Variants in NBEA observed in about 807,000 individuals in gnomAD.
The protein encoded by NBEA is lysosomal-trafficking regulator 2.
A neutral mutation model predicts 343.4 loss-of-function variants in NBEA; 44 were observed. The observed-to-expected ratio is 0.13, with a 90% confidence interval of 0.10 to 0.16. The LOEUF (loss-of-function observed/expected upper bound fraction) is 0.16. NBEA is among the 10% of genes least tolerant of loss of function. The pLI is 1.00. For synonymous variants in NBEA, 1,175 were observed against 1,238.7 expected, an observed-to-expected ratio of 0.95 and a Z score of 1.08; for missense variants, 2,555 against 3,631.3, an observed-to-expected ratio of 0.70 and a Z score of 7.62.
intron 30 of NBEA, among the ~76,000 whole-genome samples, chr13:35,191,399 T>G (rs1330407868): frequency 1.3e-5 from 2 of 152,114 alleles, no homozygotes; most frequent in African/African-American, 4.8e-5. Flanking sequence ...TAATTTTCAT[T>G]TTGTCTCTTA....
chr13:35,027,293 C>G (rs2062048004), intron 1 of NBEA, among the ~76,000 whole-genome samples: 1 of 152,042 alleles, frequency 6.6e-6, no homozygotes, highest in South Asian at 2.1e-4. Flanking sequence ...AATATGCTAA[C>G]TGTATGTTTA....
intron 41 of NBEA, among the ~76,000 whole-genome samples, chr13:35,524,952 T>A (rs922456194): frequency 6.6e-6 from 1 of 152,156 alleles, no homozygotes; most frequent in Non-Finnish European, 1.5e-5. Flanking sequence ...TGTATTCTGG[T>A]CCCCATTGTG....
chr13:35,431,700 T>A (rs919892670), intron 38 of NBEA, among the ~76,000 whole-genome samples: 6 of 152,204 alleles, frequency 3.9e-5, no homozygotes, highest in African/African-American at 1.4e-4. Context: ...TAATAATGGA[T>A]AAAATTGCAT....
intron 33 of NBEA, 99 bp from the exon 34 acceptor site, chr13:35,232,393 G>T: frequency 1.2e-6 from 1 of 810,938 alleles, no homozygotes; most frequent in East Asian, 2.8e-5. Context: ...GGCTAGAAAG[G>T]ACATTTATGA....
At chr13:35,513,075 G>T (rs905506167) in intron 41 of NBEA, among the ~76,000 whole-genome samples, 1 of 151,476 alleles carries the variant, frequency 6.6e-6, no homozygotes, top group Non-Finnish European at 1.5e-5. Flanking sequence ...AAATAATTGT[G>T]CAATTATTCC....
At chr13:35,286,898 A>G (rs2035461454) in intron 34 of NBEA, among the ~76,000 whole-genome samples, 1 of 152,002 alleles carries the variant, frequency 6.6e-6, no homozygotes, top group African/African-American at 2.4e-5. Flanking sequence ...TTTTTTGGAT[A>G]ATGGTTTACT....
chr13:35,654,448 G>T (rs1278315487), intron 53 of NBEA, among the ~76,000 whole-genome samples: 1 of 151,954 alleles, frequency 6.6e-6, no homozygotes, highest in East Asian at 1.9e-4. Context: ...ACAGACTTGG[G>T]GCAAATATTA....
intron 1 of NBEA, among the ~76,000 whole-genome samples, chr13:34,951,512 A>AT (rs1219013577): frequency 6.6e-6 from 1 of 152,162 alleles, no homozygotes; most frequent in Admixed American, 6.5e-5. Context: ...GATCTGTCCT[A>AT]TTTTAGCTTG....
At chr13:34,954,498 G>T (rs936871903) in intron 1 of NBEA, among the ~76,000 whole-genome samples, 1 of 152,124 alleles carries the variant, frequency 6.6e-6, no homozygotes, top group Non-Finnish European at 1.5e-5. Context: ...TCTTATCTTT[G>T]CAGGCTATTC....
At chr13:34,993,282 A>G (rs1361560976) in intron 1 of NBEA, among the ~76,000 whole-genome samples, 1 of 152,152 alleles carries the variant, frequency 6.6e-6, no homozygotes, top group African/African-American at 2.4e-5. Flanking sequence ...TCCTGATAAG[A>G]TTATATGCAC....
intron 38 of NBEA, among the ~76,000 whole-genome samples, chr13:35,380,405 A>C (rs1467648952): frequency 1.3e-5 from 2 of 152,132 alleles, no homozygotes; most frequent in African/African-American, 4.8e-5. Flanking sequence ...AGATCACGCC[A>C]CTGCACTCCA....
chr13:35,472,228 A>G (rs2075682627), intron 40 of NBEA, among the ~76,000 whole-genome samples, 172 bp from the exon 41 acceptor site: 1 of 152,160 alleles, frequency 6.6e-6, no homozygotes, highest in African/African-American at 2.4e-5. Context: ...TTATAAGGTA[A>G]TGTATAAAAG....
At chr13:35,208,234 C>A (rs2073527633) in intron 31 of NBEA, among the ~76,000 whole-genome samples, 1 of 151,818 alleles carries the variant, frequency 6.6e-6, no homozygotes, top group Non-Finnish European at 1.5e-5. Context: ...AACAAACAAA[C>A]AAAAAATCAA....
chr13:35,219,613 A>G (rs2074252793), intron 33 of NBEA, among the ~76,000 whole-genome samples: 1 of 152,182 alleles, frequency 6.6e-6, no homozygotes, highest in Non-Finnish European at 1.5e-5. Context: ...GAAAATTCCC[A>G]GTATCTGCAG....
At chr13:35,078,805 C>A (rs962095060) in intron 10 of NBEA, among the ~76,000 whole-genome samples, 1 of 152,062 alleles carries the variant, frequency 6.6e-6, no homozygotes, top group African/African-American at 2.4e-5. Context: ...GGGCGGATCA[C>A]GAGGTCAAGA....
chr13:35,473,213 C>A (rs1594752343), intron 41 of NBEA, among the ~76,000 whole-genome samples: 2 of 152,188 alleles, frequency 1.3e-5, no homozygotes, highest in East Asian at 1.9e-4. Flanking sequence ...TAGAGTAGCT[C>A]TTTCTCAGCA....
At position 35,550,601 on chromosome 13, in the gene NBEA, C is replaced by T; in HGVS notation, c.6703+7C>T. On this transcript the variant is annotated splice_region_variant and intron_variant, in intron 42 of 58. Transcript: ENST00000379939. Reference sequence around the variant, plus strand: ...GTATTTATGGCAAACCGAAGTAAGTCCCCTTAATATTTTGAAAGAAAATGT... The same window carrying T: ...GTATTTATGGCAAACCGAAGTAAGTTCCCTTAATATTTTGAAAGAAAATGT... 1 of 1,543,614 alleles carries T rather than the reference C, an allele frequency of 6.5e-7. No individual in the cohort carries two copies. The highest frequency in any genetic ancestry group is 8.9e-7 in the Non-Finnish European group (1 of 1,117,898).
chr13:35,589,545 A>G (rs1344039509), intron 46 of NBEA, among the ~76,000 whole-genome samples: 5 of 152,216 alleles, frequency 3.3e-5, no homozygotes, highest in Middle Eastern at 3.4e-3. Context: ...TTTAAATGGA[A>G]TGAAGAGAAG....
At chr13:35,568,768 G>T (rs1362719927) in intron 45 of NBEA, among the ~76,000 whole-genome samples, 3 of 152,116 alleles carry the variant, frequency 2.0e-5, no homozygotes, top group Non-Finnish European at 4.4e-5. Context: ...CCAAAGTGCT[G>T]CAGTGTTTCC....
Sources: allele counts gnomAD v4.1 joint callset (sites outside exome capture counted in the v4.1 genomes callset), GRCh38; gene constraint gnomAD v4.1.1; transcripts MANE v1.5; gene names NCBI Gene and HGNC (gene_info 2026-07-23, HGNC 2026-07-21).